CACNA1E: variants seen among roughly 807,000 people sequenced by gnomAD.
CACNA1E encodes calcium voltage-gated channel subunit alpha1 E, also known as voltage-dependent R-type calcium channel subunit alpha-1E.
Under a neutral mutation model 259.2 loss-of-function variants are expected in CACNA1E, and 40 were observed. The ratio of observed to expected loss-of-function variants is 0.15; its 90% CI spans 0.12 to 0.20. CACNA1E has a LOEUF of 0.20. Ranked by LOEUF, CACNA1E falls within the 10% of genes least tolerant of loss-of-function variation. CACNA1E has a pLI of 1.00. For missense variants in CACNA1E, 1,874 were observed against 3,040.1 expected (o/e 0.62, Z 9.02); for synonymous variants, 1,104 against 1,138.5 (o/e 0.97, Z 0.61).
At chr1:181,783,634 T>TTC (rs757508276) in intron 39 of CACNA1E, 45 bp from the exon 40 acceptor site, 12 of 380,770 alleles carry the variant, frequency 3.2e-5, no homozygotes, top group Non-Finnish European at 4.7e-5. Flanking sequence ...TGTCTTTCAA[T>TTC]TTTTTTTTTT....
intron 25 of CACNA1E, among the ~76,000 whole-genome samples, chr1:181,748,761 A>T (rs148420070): frequency 2.3e-3 from 347 of 152,296 alleles, no homozygotes; most frequent in African/African-American, 8.1e-3. Flanking sequence ...TACTTTTATT[A>T]ATGTGCTTGT....
chr1:181,580,835 T>G, intron 6 of CACNA1E, 59 bp downstream of exon 6: 1 of 1,528,486 alleles, frequency 6.5e-7, no homozygotes, highest in Admixed American at 1.7e-5. Context: ...TGGAGGCTTC[T>G]GTGGTTGTTT....
At chr1:181,710,484 A>G (rs901586774) in intron 7 of CACNA1E, among the ~76,000 whole-genome samples, 1 of 152,198 alleles carries the variant, frequency 6.6e-6, no homozygotes, top group African/African-American at 2.4e-5. Flanking sequence ...AATACTTCAT[A>G]GGATGGTCGT....
At chr1:181,651,304 T>G in intron 6 of CACNA1E, 34 bp from the exon 7 acceptor site, 1 of 1,386,662 alleles carries the variant, frequency 7.2e-7, no homozygotes, top group Non-Finnish European at 1.0e-6. Flanking sequence ...GAAGATGGCT[T>G]TAAGTATTAA....
At chr1:181,414,512 C>T (rs961449633) in intron 2 of CACNA1E, among the ~76,000 whole-genome samples, 23 of 152,206 alleles carry the variant, frequency 1.5e-4, no homozygotes, top group Middle Eastern at 6.8e-3. Flanking sequence ...TCAGTGAGTC[C>T]GAATGTATGC....
intron 2 of CACNA1E, among the ~76,000 whole-genome samples, chr1:181,416,498 G>C (rs967637432): frequency 2.6e-5 from 4 of 152,012 alleles, no homozygotes; most frequent in Non-Finnish European, 4.4e-5. Flanking sequence ...ACTCTTTGGG[G>C]CACGGTTTCA....
At chr1:181,318,903 T>C (rs1175066254) in intron 1 of CACNA1E, among the ~76,000 whole-genome samples, 1 of 151,918 alleles carries the variant, frequency 6.6e-6, no homozygotes, top group Non-Finnish European at 1.5e-5. Context: ...CCGGCTTGAG[T>C]CTCCTTGTGC....
Position 181,776,734 on chromosome 1 carries a change from GATTTTT to G in CACNA1E, c.5267+510_5267+515del, listed in dbSNP as rs1043657450. 6.6e-6 allele frequency among the ~76,000 whole-genome samples: 1 copy of G among 152,168 alleles called. No homozygotes were observed. The highest frequency in any genetic ancestry group is 1.5e-5 in the Non-Finnish European group (1 of 68,034). ...CCAACTGTTCCCTTAAATATTTGTGGATTTTTATTACATGGAACTAAATTAAATGGT... is the reference window on the plus strand; with the variant it reads ...CCAACTGTTCCCTTAAATATTTGTGGATTACATGGAACTAAATTAAATGGT... On this transcript the variant is annotated intron_variant, in intron 38 of 47. Coordinates refer to ENST00000367573, the MANE Select transcript of CACNA1E (RefSeq NM_001205293.3). The surrounding 1 kb of genome is among the most constrained non-coding windows in gnomAD (Gnocchi z 4.4).
At chr1:181,704,942 C>T (rs1158777709) in intron 7 of CACNA1E, among the ~76,000 whole-genome samples, 1 of 152,180 alleles carries the variant, frequency 6.6e-6, no homozygotes. Context: ...CTGTGACTGA[C>T]TCTGGGGTCA....
chr1:181,740,763 G>A (rs1228208530), intron 25 of CACNA1E, among the ~76,000 whole-genome samples: 1 of 152,224 alleles, frequency 6.6e-6, no homozygotes, highest in Non-Finnish European at 1.5e-5. Context: ...ATTGTGTGCA[G>A]TCACCTTTGT....
intron 3 of CACNA1E, among the ~76,000 whole-genome samples, chr1:181,514,360 G>A (rs944361632): frequency 6.6e-6 from 1 of 152,220 alleles, no homozygotes; most frequent in African/African-American, 2.4e-5. Context: ...AGGGAGGCAG[G>A]CAAAGTGGAC....
chr1:181,703,279 C>T (rs1359744403), intron 7 of CACNA1E, among the ~76,000 whole-genome samples: 1 of 152,190 alleles, frequency 6.6e-6, no homozygotes, highest in African/African-American at 2.4e-5. Flanking sequence ...ACCTACTATA[C>T]CTTGCACATT....
chr1:181,507,222 A>G (rs1665785627), intron 1 of CACNA1E, among the ~76,000 whole-genome samples: 1 of 152,168 alleles, frequency 6.6e-6, no homozygotes, highest in South Asian at 2.1e-4. Context: ...GGGTAGCACC[A>G]GCCATCAAGA....
At chr1:181,363,611 A>C (rs1654051115) in intron 1 of CACNA1E, among the ~76,000 whole-genome samples, 1 of 151,890 alleles carries the variant, frequency 6.6e-6, no homozygotes, top group Non-Finnish European at 1.5e-5. Context: ...CTGGAGCATA[A>C]ATTGCACAAA....
At chr1:181,389,880 A>C (rs1230230175) in intron 1 of CACNA1E, among the ~76,000 whole-genome samples, 1 of 152,254 alleles carries the variant, frequency 6.6e-6, no homozygotes, top group Non-Finnish European at 1.5e-5. Flanking sequence ...GAGATACTTC[A>C]AGTGAAGACA....
At chr1:181,644,178 G>A (rs1258629987) in intron 6 of CACNA1E, among the ~76,000 whole-genome samples, 6 of 152,102 alleles carry the variant, frequency 3.9e-5, no homozygotes, top group African/African-American at 1.2e-4. Flanking sequence ...TTCTGCCCTA[G>A]AAGGTAGTAA....
At chr1:181,569,987 G>C (rs1256302000) in intron 3 of CACNA1E, among the ~76,000 whole-genome samples, 1 of 152,196 alleles carries the variant, frequency 6.6e-6, no homozygotes, top group Non-Finnish European at 1.5e-5. Context: ...AGATTGGTGT[G>C]AGCTACAGAA....
intron 2 of CACNA1E, among the ~76,000 whole-genome samples, chr1:181,440,117 C>T (rs1006450404): frequency 6.6e-6 from 1 of 152,238 alleles, no homozygotes; most frequent in African/African-American, 2.4e-5. Context: ...AAATCTCAGG[C>T]AGCACCTGTG....
rs1046173006 is a variant in CACNA1E at position 181,337,159 on chromosome 1, C to CT, written c.-15+19050dup. The stretch of plus-strand genomic sequence containing the variant: ...GTGGTAGGAGCACTTAGAATCTACT[C>CT]TTTTTTTTTTTTTTGAGATGGAGTC... On this transcript the variant is annotated intron_variant, in intron 1 of 11. Transcript: ENST00000524607. 2.2e-3 allele frequency among the ~76,000 whole-genome samples: 319 copies of CT among 142,702 alleles called. 1 individual carries two copies. The highest frequency in any genetic ancestry group is 3.7e-3 in the Admixed American group (53 of 14,206). The allele number at this position is 142,702 out of a possible 152,430, so 93.6% of individuals were successfully genotyped here.
Sources: gnomAD v4.1 joint callset for allele counts (sites outside exome capture counted in the v4.1 genomes callset) on GRCh38, gnomAD v4.1.1 for gene constraint, Gnocchi (gnomAD v3.1) non-coding constraint, MANE v1.5 for transcripts, NCBI Gene and HGNC (gene_info 2026-07-23, HGNC 2026-07-21) for gene names.